Variants in OSBPL10 observed in about 807,000 individuals in gnomAD.
The protein encoded by OSBPL10 is oxysterol binding protein like 10, also known as oxysterol-binding protein-related protein 10.
OSBPL10 carries 49 observed loss-of-function variants against 81.7 expected under a neutral mutation model. That is an observed-to-expected ratio of 0.60 (90% CI 0.48 to 0.76). The LOEUF is 0.76. OSBPL10 is among the 30% of genes least tolerant of loss of function. The pLI, the probability that OSBPL10 is intolerant of heterozygous loss-of-function variation, is 0.00. For missense variants in OSBPL10, 923 were observed against 987.8 expected (o/e 0.93, Z 0.88); for synonymous variants, 419 against 383.6 (o/e 1.09, Z -1.08).
chr3:31,824,798 A>G (rs1342360282), intron 4 of OSBPL10, among the ~76,000 whole-genome samples: 3 of 152,228 alleles, frequency 2.0e-5, no homozygotes, highest in African/African-American at 7.2e-5. Flanking sequence ...GCCAGCGGAT[A>G]TCTTGCAGTT....
At chr3:31,786,639 C>T (rs1006820901) in intron 4 of OSBPL10, among the ~76,000 whole-genome samples, 5 of 152,178 alleles carry the variant, frequency 3.3e-5, no homozygotes, top group African/African-American at 1.2e-4. Context: ...AAGAGCCCTA[C>T]CTCTTAACGC....
intron 1 of OSBPL10, among the ~76,000 whole-genome samples, chr3:31,912,118 G>A (rs1000078867): frequency 6.6e-6 from 1 of 152,076 alleles, no homozygotes; most frequent in African/African-American, 2.4e-5. Context: ...AAAATTGGCT[G>A]GGCGCAGTGG....
At chr3:31,731,311 T>C (rs1007542842) in intron 6 of OSBPL10, among the ~76,000 whole-genome samples, 1 of 152,124 alleles carries the variant, frequency 6.6e-6, no homozygotes, top group Non-Finnish European at 1.5e-5. Flanking sequence ...TCCATAAGAC[T>C]TTCCCTACTA....
At chr3:32,056,782 G>T (rs1020885561) in intron 1 of OSBPL10, among the ~76,000 whole-genome samples, 5 of 152,200 alleles carry the variant, frequency 3.3e-5, no homozygotes, top group African/African-American at 1.2e-4. Context: ...TTGAAAAGGG[G>T]CTGGGTAAAA....
chr3:31,792,187 C>A (rs1559466981), intron 4 of OSBPL10, among the ~76,000 whole-genome samples: 1 of 151,468 alleles, frequency 6.6e-6, no homozygotes, highest in Non-Finnish European at 1.5e-5. Flanking sequence ...TGTAATCACA[C>A]CACTGCACTC....
chr3:31,783,270 A>G (rs1186393064), intron 4 of OSBPL10, among the ~76,000 whole-genome samples: 1 of 151,750 alleles, frequency 6.6e-6, no homozygotes, highest in African/African-American at 2.4e-5. Context: ...AAAACCAAAC[A>G]TCATATGTTC....
At chr3:31,806,485 T>A (rs6808708) in intron 4 of OSBPL10, among the ~76,000 whole-genome samples, 116,511 of 152,186 alleles carry the variant, frequency 0.77, 44,569 homozygotes, top group East Asian at 0.78. Context: ...AGCCAAACAG[T>A]AAGTGCAAGG....
At chr3:32,023,074 T>A (rs1699373809) in intron 2 of OSBPL10, among the ~76,000 whole-genome samples, 2 of 152,206 alleles carry the variant, frequency 1.3e-5, no homozygotes, top group East Asian at 3.9e-4. Context: ...CTTTAGCTTC[T>A]GTGGCTCCTG....
intron 1 of OSBPL10, among the ~76,000 whole-genome samples, chr3:31,959,446 T>C (rs539343750): frequency 2.6e-5 from 4 of 152,160 alleles, no homozygotes; most frequent in Non-Finnish European, 5.9e-5. Context: ...GACTCAGAGA[T>C]AAGATATCCC....
chr3:31,809,929 T>C (rs1400975304), intron 4 of OSBPL10, among the ~76,000 whole-genome samples: 1 of 143,522 alleles, frequency 7.0e-6, no homozygotes, highest in East Asian at 2.2e-4. Flanking sequence ...TGGAATGCAA[T>C]GGAGTGATCT....
chr3:31,797,788 G>T (rs139309799), intron 4 of OSBPL10: 3 of 456,394 alleles, frequency 6.6e-6, no homozygotes, highest in African/African-American at 6.0e-5. Flanking sequence ...TCTTGACGAT[G>T]CCAATGACTC....
intron 2 of OSBPL10, chr3:31,990,033 A>G (rs773332725): frequency 1.8e-5 from 29 of 1,614,056 alleles, no homozygotes; most frequent in Non-Finnish European, 2.5e-5. Flanking sequence ...AATGTGAAGA[A>G]TGTGACAAAG....
chr3:31,927,014 G>C (rs1482313223), intron 1 of OSBPL10, among the ~76,000 whole-genome samples: 1 of 152,154 alleles, frequency 6.6e-6, no homozygotes, highest in African/African-American at 2.4e-5. Flanking sequence ...GGGAGACTGA[G>C]GCAGGAGAAT....
chr3:31,705,705 A>G (rs1696041978), intron 6 of OSBPL10, among the ~76,000 whole-genome samples: 1 of 152,114 alleles, frequency 6.6e-6, no homozygotes, highest in Non-Finnish European at 1.5e-5. Context: ...GCTTATCCAC[A>G]TCCACACTCC....
intron 1 of OSBPL10, among the ~76,000 whole-genome samples, chr3:31,957,273 CAG>C (rs1698035493): frequency 6.6e-6 from 1 of 152,164 alleles, no homozygotes; most frequent in South Asian, 2.1e-4. Context: ...GAAATAACCA[CAG>C]AGACTCCTGA....
At chr3:31,714,292 T>C (rs1270659486) in intron 6 of OSBPL10, among the ~76,000 whole-genome samples, 1 of 152,124 alleles carries the variant, frequency 6.6e-6, no homozygotes, top group Non-Finnish European at 1.5e-5. Context: ...ATGGCCTGGG[T>C]CACCCTGGAC....
In OSBPL10 at chr3:32,061,263, T is replaced by C. The variant is rs1489978209; in HGVS notation, n.186-14660A>G. ...TTTAATATCTGTCTTTCAGATAAAC[T>C]ATAAGCACTGTGGGTACAAGGAAGG... On this transcript the variant is annotated intron_variant and non_coding_transcript_variant, in intron 1 of 3. Transcript: ENST00000479173. Among the ~76,000 whole-genome samples the C allele has an allele frequency of 8.6e-5, 8 of 92,890 alleles. 2 individuals carry two copies. Among genetic ancestry groups the C allele is most frequent in the Admixed American group, 2.7e-4 (2 of 7,546 alleles). The allele number at this position is 92,890 out of a possible 152,430, so 60.9% of individuals were successfully genotyped here. A position where few individuals can be genotyped will look rare whatever the true frequency, so the allele number is the denominator to read the frequency against.
chr3:31,689,309 T>TA (rs1700882168), intron 7 of OSBPL10, among the ~76,000 whole-genome samples: 2 of 152,110 alleles, frequency 1.3e-5, no homozygotes. Context: ...TCTGGAGTTT[T>TA]AAAAAATGGC....
At chr3:31,905,235 A>G (rs1005157510) in intron 1 of OSBPL10, among the ~76,000 whole-genome samples, 7 of 152,020 alleles carry the variant, frequency 4.6e-5, no homozygotes, top group Non-Finnish European at 1.0e-4. Context: ...GCATAAATAC[A>G]TATGAGCTGT....
Sources: allele counts gnomAD v4.1 joint callset (sites outside exome capture counted in the v4.1 genomes callset), GRCh38; gene constraint gnomAD v4.1.1; transcripts MANE v1.5; gene names NCBI Gene and HGNC (gene_info 2026-07-23, HGNC 2026-07-21).